The following SCFD2 variants were observed in gnomAD, a reference collection of about 807,000 sequenced individuals.
SCFD2 encodes sec1 family domain containing 2, also known as sec1 family domain-containing protein 2.
In SCFD2, 54 loss-of-function variants were observed where a neutral mutation model predicts 58.9. The ratio of observed to expected loss-of-function variants is 0.92; its 90% CI spans 0.74 to 1.15. The LOEUF is 1.15. Ranked by LOEUF, SCFD2 falls within the 50% of genes most tolerant of loss-of-function variation. The probability of loss-of-function intolerance (pLI) is 0.00; values close to 1 mark genes in which losing one functional copy is unlikely to be tolerated. For missense variants in SCFD2, 805 were observed against 836.6 expected (o/e 0.96, Z 0.47); for synonymous variants, 321 against 335.9 (o/e 0.96, Z 0.49).
chr4:53,344,798 C>G (rs1374443471), intron 2 of SCFD2, among the ~76,000 whole-genome samples: 1 of 152,230 alleles, frequency 6.6e-6, no homozygotes, highest in Admixed American at 6.5e-5. Context: ...TAACACCACA[C>G]ATCTACAATC....
At chr4:53,245,914 CCT>C (rs541645354) in intron 4 of SCFD2, among the ~76,000 whole-genome samples, 14 of 152,204 alleles carry the variant, frequency 9.2e-5, no homozygotes, top group South Asian at 6.2e-4. Context: ...TCAAACTACC[CCT>C]GTTTGCAGAT....
Position 53,029,303 on chromosome 4 carries a change from C to T in SCFD2, c.1562-108433G>A, listed in dbSNP as rs141554535. On this transcript the variant is annotated intron_variant, in intron 5 of 8. Coordinates refer to ENST00000401642, the MANE Select transcript of SCFD2 (RefSeq NM_152540.4). ...TTTCCTTAACTTTGTTCTTCTACCCCGTCCAACCCTGGTGAGTTCCACTTT... is the reference window on the plus strand; with the variant it reads ...TTTCCTTAACTTTGTTCTTCTACCCTGTCCAACCCTGGTGAGTTCCACTTT... Among the ~76,000 whole-genome samples, 307 of 152,282 alleles carry T rather than the reference C, an allele frequency of 2.0e-3. 2 individuals carry two copies. Among genetic ancestry groups the T allele is most frequent in the African/African-American group, 7.2e-3 (299 of 41,548 alleles).
At chr4:52,902,282 T>C (rs1214213513) in intron 7 of SCFD2, among the ~76,000 whole-genome samples, 1 of 152,172 alleles carries the variant, frequency 6.6e-6, no homozygotes, top group Non-Finnish European at 1.5e-5. Flanking sequence ...CTCCCAAGAC[T>C]GAGGAGCTCA....
chr4:52,911,562 A>G (rs1207546347), intron 6 of SCFD2, among the ~76,000 whole-genome samples: 2 of 152,170 alleles, frequency 1.3e-5, no homozygotes, highest in Admixed American at 1.3e-4. Flanking sequence ...AGGAGAAAAG[A>G]AACTATGATT....
chr4:53,301,542 T>C (rs1170587276), intron 3 of SCFD2, among the ~76,000 whole-genome samples: 1 of 152,134 alleles, frequency 6.6e-6, no homozygotes, highest in Non-Finnish European at 1.5e-5. Context: ...ACTGGTACCA[T>C]TCCTTCTGAA....
intron 5 of SCFD2, among the ~76,000 whole-genome samples, chr4:53,105,564 C>A (rs1313881446): frequency 6.6e-6 from 1 of 152,174 alleles, no homozygotes; most frequent in Admixed American, 6.5e-5. Flanking sequence ...GTAAACAAAG[C>A]CACAGGGAAG....
chr4:53,215,532 AAGG>A (rs1374523056), intron 4 of SCFD2, among the ~76,000 whole-genome samples: 2 of 152,132 alleles, frequency 1.3e-5, no homozygotes, highest in Admixed American at 1.3e-4. Flanking sequence ...TTATCAGCTG[AAGG>A]AGATTTTGGG....
At chr4:53,222,024 T>G (rs1729061348) in intron 4 of SCFD2, among the ~76,000 whole-genome samples, 1 of 152,340 alleles carries the variant, frequency 6.6e-6, no homozygotes, top group African/African-American at 2.4e-5. Context: ...CCAGACAGGT[T>G]CCTGGCCACA....
chr4:52,999,265 A>C lies in SCFD2; in HGVS notation c.1562-78395T>G, dbSNP rs185915213. 3.7e-3 allele frequency among the ~76,000 whole-genome samples: 568 copies of C among 152,316 alleles called. 3 individuals carry two copies. Among genetic ancestry groups the C allele is most frequent in the African/African-American group, 0.013 (529 of 41,574 alleles). Reference sequence around the variant, plus strand: ...CTTTGACTCCCTAATTTCACAGGACAAAAGAGACTTCAGTCCAATACCAGT... The same window carrying C: ...CTTTGACTCCCTAATTTCACAGGACCAAAGAGACTTCAGTCCAATACCAGT... On this transcript the variant is annotated intron_variant, in intron 5 of 8. Coordinates refer to ENST00000401642, the MANE Select transcript of SCFD2 (RefSeq NM_152540.4).
chr4:53,046,024 T>A (rs1723029135), intron 5 of SCFD2, among the ~76,000 whole-genome samples: 1 of 152,130 alleles, frequency 6.6e-6, no homozygotes, highest in South Asian at 2.1e-4. Context: ...GTCACTTAAC[T>A]ATCCAGAGGC....
At chr4:53,345,170 G>C (rs1317092450) in intron 2 of SCFD2, among the ~76,000 whole-genome samples, 1 of 152,064 alleles carries the variant, frequency 6.6e-6, no homozygotes. Flanking sequence ...GCAACCTACA[G>C]AATGGGAGAA....
In SCFD2 at chr4:53,030,466, A is replaced by T. The variant is rs1054815540; in HGVS notation, c.1562-109596T>A. Among the ~76,000 whole-genome samples the T allele has an allele frequency of 1.3e-5, 2 of 151,878 alleles. 1 individual carries two copies. On this transcript the variant is annotated intron_variant, in intron 5 of 8. Transcript: ENST00000401642. ...GAGACAGAGTCTCATTCTGTCACCC[A>T]GGCTGGAGTGCAGTGGCGCGATCTC...
At chr4:52,920,605 G>A in intron 6 of SCFD2, 120 bp downstream of exon 6, 1 of 589,952 alleles carries the variant, frequency 1.7e-6, no homozygotes, top group Non-Finnish European at 2.7e-6. Context: ...AGAGAACTTG[G>A]AGATCATCTA....
intron 5 of SCFD2, among the ~76,000 whole-genome samples, chr4:53,127,882 A>G (rs1248539732): frequency 6.6e-6 from 1 of 151,552 alleles, no homozygotes; most frequent in Non-Finnish European, 1.5e-5. Flanking sequence ...TGGGTGTAGC[A>G]CACTATTTGG....
intron 5 of SCFD2, among the ~76,000 whole-genome samples, chr4:52,924,982 G>GTA (rs1560482649): frequency 6.6e-6 from 1 of 152,154 alleles, no homozygotes. Context: ...GATAATAGTA[G>GTA]TATATAAGCG....
At chr4:53,182,542 T>G (rs1727604259) in intron 4 of SCFD2, among the ~76,000 whole-genome samples, 1 of 152,066 alleles carries the variant, frequency 6.6e-6, no homozygotes, top group African/African-American at 2.4e-5. Context: ...CCTAAAACCA[T>G]AAAAACCCTA....
At chr4:53,351,899 T>A (rs1734231059) in intron 2 of SCFD2, among the ~76,000 whole-genome samples, 1 of 152,216 alleles carries the variant, frequency 6.6e-6, no homozygotes, top group African/African-American at 2.4e-5. Flanking sequence ...TGAAAGATCC[T>A]GTTTTATTTA....
chr4:53,330,922 C>CA (rs1026947376), intron 2 of SCFD2, among the ~76,000 whole-genome samples: 119 of 150,780 alleles, frequency 7.9e-4, no homozygotes, highest in African/African-American at 2.8e-3. Context: ...AAATGGAAAA[C>CA]AAAAAAAGGC....
Position 53,045,726 on chromosome 4 carries a change from G to A in SCFD2, c.1561+99607C>T, listed in dbSNP as rs374676726. ...ATAGATAGAGTGGGTGTTCAAAAATGCTTATTTGATGACTGAATGAATTAA... is the reference window on the plus strand; with the variant it reads ...ATAGATAGAGTGGGTGTTCAAAAATACTTATTTGATGACTGAATGAATTAA... On this transcript the variant is annotated intron_variant, in intron 5 of 8. Coordinates refer to ENST00000401642, the MANE Select transcript of SCFD2 (RefSeq NM_152540.4). Among the ~76,000 whole-genome samples the A allele has an allele frequency of 5.3e-5, 8 of 152,162 alleles. No homozygotes were observed. In the East Asian group the frequency reaches 1.5e-3, roughly 29 times the overall value.
Sources: gnomAD v4.1 joint callset for allele counts (sites outside exome capture counted in the v4.1 genomes callset) on GRCh38, gnomAD v4.1.1 for gene constraint, MANE v1.5 for transcripts, NCBI Gene and HGNC (gene_info 2026-07-23, HGNC 2026-07-21) for gene names.